The following ZDHHC1 variants were observed in gnomAD, a reference collection of about 807,000 sequenced individuals.
The protein encoded by ZDHHC1 is palmitoyltransferase ZDHHC1.
Under a neutral mutation model 46.9 loss-of-function variants are expected in ZDHHC1, and 45 were observed. That is an observed-to-expected ratio of 0.96 (90% confidence interval 0.76 to 1.23). The LOEUF is 1.23. Among genes scored for constraint, ZDHHC1 ranks in the 50% most tolerant of loss-of-function variants. The pLI is 0.00. For synonymous variants in ZDHHC1, 291 were observed against 286.0 expected (o/e 1.02, Z -0.18); for missense variants, 649 against 670.8 (o/e 0.97, Z 0.36).
rs2040835117 is a variant in ZDHHC1 at position 67,416,378 on chromosome 16, T to TCC, written c.-247_-246insGG. Reference sequence around the variant, plus strand: ...CCGGTGAGTCCTCGAGCTCTGGCTCTGGCTCCGGCTCCGGCTCCGGCTCCG... The same window carrying TCC: ...CCGGTGAGTCCTCGAGCTCTGGCTCTCCGGCTCCGGCTCCGGCTCCGGCTCCG... On this transcript the variant is annotated 5_prime_UTR_variant, in exon 1 of 12. Transcript: ENST00000565726. The TCC allele has an allele frequency of 6.4e-5, 13 of 202,738 alleles. No individual in the cohort carries two copies. Among genetic ancestry groups the TCC allele is most frequent in the Non-Finnish European group, 1.0e-4 (10 of 98,490 alleles). 12.6% of individuals were successfully genotyped at this position (202,738 alleles called of 1,614,324 possible).
chr16:67,399,498 C>A, intron 4 of ZDHHC1, 42 bp from the exon 5 acceptor site: 1 of 1,546,340 alleles, frequency 6.5e-7, no homozygotes, highest in Non-Finnish European at 8.9e-7. Context: ...CGGCTCATTC[C>A]CCGCTCTGCG....
rs901152484 is a variant in ZDHHC1, at chr16:67,400,278, T to C, written c.428+679A>G. On this transcript the variant is annotated intron_variant, in intron 4 of 11. Transcript: ENST00000565726. ...TGGCCTTGGGCCATATCCCCATCCCTGATCCCCCACCCGAGACCTGGAGAC... is the reference window on the plus strand; with the variant it reads ...TGGCCTTGGGCCATATCCCCATCCCCGATCCCCCACCCGAGACCTGGAGAC... Among the ~76,000 whole-genome samples the C allele has an allele frequency of 2.2e-4, 33 of 152,200 alleles. 1 individual carries two copies. Among genetic ancestry groups the C allele is most frequent in the African/African-American group, 7.2e-4 (30 of 41,466 alleles).
chr16:67,395,228 A>AAG lies in ZDHHC1; in HGVS notation c.1061_1062dup (p.Ser355LeufsTer111). On this transcript the variant is annotated frameshift_variant, in exon 10 of 12. Coordinates refer to ENST00000565726, the MANE Select transcript of ZDHHC1 (RefSeq NM_001323627.2). LOFTEE classifies it high-confidence loss of function. ...GGAGGCAGGGCGAGAGTGTCTGGGG[A>AAG]AGAGGGTGGTGGAGGTTCCGCTTGG... is the stretch of plus-strand genomic sequence containing the variant. 1 of 1,606,630 alleles carries AAG rather than the reference A, an allele frequency of 6.2e-7. No homozygotes were observed. The highest frequency in any genetic ancestry group is 8.5e-7 in the Non-Finnish European group (1 of 1,177,080).
intron 1 of ZDHHC1, among the ~76,000 whole-genome samples, chr16:67,409,127 G>A (rs2040709199): frequency 6.6e-6 from 1 of 152,136 alleles, no homozygotes; most frequent in Non-Finnish European, 1.5e-5. Context: ...CCCCAGAGCT[G>A]CTGTATCCCT....
chr16:67,411,938 C>T (rs1361953134), intron 1 of ZDHHC1, among the ~76,000 whole-genome samples: 1 of 152,058 alleles, frequency 6.6e-6, no homozygotes, highest in Non-Finnish European at 1.5e-5. Context: ...CCTGGTGAAA[C>T]CCCATCTCTA....
rs200637668 is a variant in ZDHHC1, at chr16:67,406,202, C to T, written c.250G>A (p.Ala84Thr). The change falls in exon 3 of 12, where the codon GCT becomes ACT. Residue 84 changes from alanine (A) to threonine (T), a missense_variant and splice_region_variant. Ala to Thr is a moderately conservative substitution (Grantham distance 58). Transcript: ENST00000565726. The surrounding 1 kb of genome is among the most constrained non-coding windows in gnomAD (Gnocchi z 4.1). Reference protein sequence around the residue: ...LPHHWVPAGYACMGAIFAGHL... With the variant: ...LPHHWVPAGYTCMGAIFAGHL... ...GCCCTACGCTTTCCCAAGGATACAGCGTAGCCAGCGGGCACCCAGTGGTGA... is the reference window on the plus strand; with the variant it reads ...GCCCTACGCTTTCCCAAGGATACAGTGTAGCCAGCGGGCACCCAGTGGTGA... 3 of 1,613,632 alleles carry T rather than the reference C, an allele frequency of 1.9e-6. No individual in the cohort carries two copies. Among genetic ancestry groups the T allele is most frequent in the South Asian group, 2.2e-5 (2 of 90,932 alleles).
Position 67,406,778 on chromosome 16 carries a change from T to C in ZDHHC1, c.10-336A>G, listed in dbSNP as rs74387268. 0.028 allele frequency among the ~76,000 whole-genome samples: 4,325 copies of C among 152,286 alleles called. 101 individuals are homozygous for C. The highest frequency in any genetic ancestry group is 0.064 in the South Asian group (310 of 4,828). On this transcript the variant is annotated intron_variant, in intron 2 of 11. Coordinates refer to ENST00000565726, the MANE Select transcript of ZDHHC1 (RefSeq NM_001323627.2). This position sits in a 1 kb window ranked among gnomAD's most constrained non-coding sequence, Gnocchi z 4.1. ...CCCAATAAGACATGTTCTCATCTGG[T>C]AACAATATCAGGCTGGGGCCAGAGT...
chr16:67,410,644 AATTATTATT>A (rs58905759), intron 1 of ZDHHC1, among the ~76,000 whole-genome samples: 66 of 147,678 alleles, frequency 4.5e-4, no homozygotes, highest in Non-Finnish European at 7.7e-4. Flanking sequence ...TACCTTAATT[AATTATTATT>A]ATTATTATTA....
chr16:67,412,332 G>GA (rs11464205), intron 1 of ZDHHC1, among the ~76,000 whole-genome samples: 12,464 of 145,704 alleles, frequency 0.086, 1,676 homozygotes, highest in African/African-American at 0.29. Context: ...TACTGCTTTT[G>GA]AAAAAAAAAA....
intron 8 of ZDHHC1, among the ~76,000 whole-genome samples, chr16:67,397,162 T>C (rs2040449480): frequency 6.6e-6 from 1 of 152,228 alleles, no homozygotes; most frequent in Admixed American, 6.5e-5. Context: ...AAATTAAATG[T>C]CTTCGCTGTG....
chr16:67,402,320 A>T (rs375520936), intron 3 of ZDHHC1, among the ~76,000 whole-genome samples: 9 of 152,238 alleles, frequency 5.9e-5, no homozygotes, highest in African/African-American at 1.9e-4. Context: ...TTGCAACCCT[A>T]CAGTGGGTCT....
intron 1 of ZDHHC1, among the ~76,000 whole-genome samples, chr16:67,408,634 G>A (rs761780351): frequency 2.0e-5 from 3 of 151,632 alleles, no homozygotes; most frequent in Non-Finnish European, 4.4e-5. Flanking sequence ...ATACAGCGGC[G>A]TGTTGCCATG....
rs757365012 is a variant in ZDHHC1 at position 67,406,269 on chromosome 16, G to A, written c.183C>T (p.Phe61=). ...GGATCCCAAAGCCGATCACAGCAAA[G>A]AAGAGGTACAGCAGCCAGGCCACAA... The part of the protein sequence containing the change: ...LQIVAWLLYL[F]FAVIGFGILV... The change falls in exon 3 of 12, where the codon TTC becomes TTT. Residue 61 remains phenylalanine, a synonymous_variant. Transcript: ENST00000565726. The surrounding 1 kb of genome is among the most constrained non-coding windows in gnomAD (Gnocchi z 4.1). The A allele has an allele frequency of 2.5e-6, 4 of 1,612,162 alleles. No individual in the cohort carries two copies. The highest frequency in any genetic ancestry group is 3.3e-4 in the Middle Eastern group (2 of 6,062).
intron 3 of ZDHHC1, among the ~76,000 whole-genome samples, chr16:67,402,412 A>G (rs142672909): frequency 6.6e-6 from 1 of 152,218 alleles, no homozygotes; most frequent in Non-Finnish European, 1.5e-5. Flanking sequence ...CCTCTCTGCT[A>G]TCACCAGCTA....
rs2040542836 is a variant in ZDHHC1, at chr16:67,401,032, G to A, written c.353C>T (p.Pro118Leu). 1.2e-6 allele frequency: 2 copies of A among 1,614,028 alleles called. No homozygotes were observed. Among genetic ancestry groups the A allele is most frequent in the South Asian group, 1.1e-5 (1 of 91,090 alleles). Residue 118 changes from proline to leucine, a missense_variant, in exon 4 of 12, where the codon CCC becomes CTC. By Grantham distance (98) the Pro-to-Leu change is moderately conservative. Coordinates refer to ENST00000565726, the MANE Select transcript of ZDHHC1 (RefSeq NM_001323627.2). The surrounding 1 kb of genome is among the most constrained non-coding windows in gnomAD (Gnocchi z 4.6). ...CTGGCTTCGGTTGAAGATGGGCAGGGGCCCCGCATAGCTCTTGTCCCGCAC... is the reference window on the plus strand; with the variant it reads ...CTGGCTTCGGTTGAAGATGGGCAGGAGCCCCGCATAGCTCTTGTCCCGCAC... Reference protein sequence around the residue: ...ANVRDKSYAGPLPIFNRSQHA... With the variant: ...ANVRDKSYAGLLPIFNRSQHA...
chr16:67,416,384 C>CGGCTCT lies in ZDHHC1; in HGVS notation c.-253_-252insAGAGCC, dbSNP rs527474996. The CGGCTCT allele has an allele frequency of 4.4e-4, 67 of 151,226 alleles. No homozygotes were observed. In the African/African-American group the frequency reaches 7.3e-3, roughly 17 times the overall value. 9.4% of individuals were successfully genotyped at this position (151,226 alleles called of 1,614,324 possible). ...AGTCCTCGAGCTCTGGCTCTGGCTC[C>CGGCTCT]GGCTCCGGCTCCGGCTCCGGCTCCG... On this transcript the variant is annotated 5_prime_UTR_variant, in exon 1 of 12. Coordinates refer to ENST00000565726, the MANE Select transcript of ZDHHC1 (RefSeq NM_001323627.2).
In ZDHHC1 at chr16:67,398,682, G is replaced by A. The variant is rs757363077; in HGVS notation, c.705C>T (p.Pro235=). ...GGATGGCAGGGGCCTGGGTCTCCAC[G>A]GGGGCGGCAGGCAGGAACACGAACC... ...DVWFVFLPAA[P]VETQAPAILA... is the part of the protein sequence containing the mutation. The change falls in exon 7 of 12, where the codon CCC becomes CCT. Residue 235 remains proline (P), a synonymous_variant. Transcript: ENST00000565726. 2.7e-5 allele frequency: 43 copies of A among 1,607,786 alleles called. No individual in the cohort carries two copies. The highest frequency in any genetic ancestry group is 2.2e-4 in the South Asian group (20 of 89,630).
intron 3 of ZDHHC1, among the ~76,000 whole-genome samples, chr16:67,402,104 C>T (rs957474267): frequency 2.0e-5 from 3 of 152,210 alleles, no homozygotes; most frequent in Admixed American, 6.5e-5. Flanking sequence ...AACCAGGCTC[C>T]GCCCTAATGT....
intron 8 of ZDHHC1, 46 bp from the exon 9 acceptor site, chr16:67,395,612 C>G (rs550713632): frequency 3.3e-6 from 5 of 1,537,728 alleles, no homozygotes; most frequent in East Asian, 4.9e-5. Flanking sequence ...AGGTGTGGCT[C>G]CCGAGCCTGC....
Sources: allele counts gnomAD v4.1 joint callset (sites outside exome capture counted in the v4.1 genomes callset), GRCh38; gene constraint gnomAD v4.1.1; non-coding constraint Gnocchi (gnomAD v3.1); transcripts MANE v1.5; gene names NCBI Gene and HGNC (gene_info 2026-07-23, HGNC 2026-07-21).